TTC28: variants seen among roughly 807,000 people sequenced by gnomAD.
The protein encoded by TTC28 is tetratricopeptide repeat protein 28.
A neutral mutation model predicts 198.0 loss-of-function variants in TTC28; 61 were observed. The observed-to-expected ratio is 0.31, with a 90% CI of 0.25 to 0.38. The LOEUF (loss-of-function observed/expected upper bound fraction) is 0.38, where lower values mean the gene tolerates loss of function less well. TTC28 is among the 10% of genes least tolerant of loss of function. TTC28 has a pLI of 1.00. For synonymous variants in TTC28, 1,171 were observed against 1,297.8 expected (o/e 0.90, Z 2.10); for missense variants, 2,678 against 3,164.0 (o/e 0.85, Z 3.69).
At chr22:28,229,088 G>A (rs1201950469) in intron 5 of TTC28, among the ~76,000 whole-genome samples, 1 of 151,466 alleles carries the variant, frequency 6.6e-6, no homozygotes, top group East Asian at 2.0e-4. Context: ...CCTGGGAGGT[G>A]GAGGTTGCAG....
Position 28,476,158 on chromosome 22 carries a change from C to T in TTC28, c.381+153394G>A, listed in dbSNP as rs117277085. ...CCCCATGCCATCTACCTGCCTCCTG[C>T]CTGAGAAAATATTATTCTTAATGCT... On this transcript the variant is annotated intron_variant, in intron 2 of 22. Coordinates refer to ENST00000397906, the MANE Select transcript of TTC28 (RefSeq NM_001145418.2). Among the ~76,000 whole-genome samples, 979 of 152,238 alleles carry T rather than the reference C, an allele frequency of 6.4e-3. 5 individuals carry two copies. The highest frequency in any genetic ancestry group is 9.5e-3 in the Non-Finnish European group (645 of 68,006).
chr22:28,262,173 C>T (rs1484682840), intron 5 of TTC28, among the ~76,000 whole-genome samples: 1 of 152,046 alleles, frequency 6.6e-6, no homozygotes, highest in Non-Finnish European at 1.5e-5. Flanking sequence ...CTAAAATTCC[C>T]TCAACAGACA....
At chr22:28,169,396 C>A (rs1040697221) in intron 5 of TTC28, among the ~76,000 whole-genome samples, 4 of 152,226 alleles carry the variant, frequency 2.6e-5, no homozygotes, top group Admixed American at 2.0e-4. Context: ...GCACTACTCA[C>A]AATAGCAAAG....
At chr22:28,140,711 GATTA>G (rs1273484240) in intron 6 of TTC28, among the ~76,000 whole-genome samples, 1 of 152,148 alleles carries the variant, frequency 6.6e-6, no homozygotes, top group Admixed American at 6.5e-5. Context: ...TAAAGGCAAA[GATTA>G]ATTAAATGTG....
At chr22:28,366,576 G>T (rs1206613490) in intron 2 of TTC28, among the ~76,000 whole-genome samples, 1 of 152,074 alleles carries the variant, frequency 6.6e-6, no homozygotes, top group East Asian at 1.9e-4. Flanking sequence ...AATGGCAGGA[G>T]TAAATCCCTA....
At chr22:28,570,883 C>G (rs561948081) in intron 2 of TTC28, among the ~76,000 whole-genome samples, 1 of 152,220 alleles carries the variant, frequency 6.6e-6, no homozygotes, top group South Asian at 2.1e-4. Context: ...CAAGGAGATA[C>G]AAGGCACTAC....
At chr22:28,322,547 C>A (rs559829924) in intron 2 of TTC28, among the ~76,000 whole-genome samples, 1 of 152,218 alleles carries the variant, frequency 6.6e-6, no homozygotes, top group African/African-American at 2.4e-5. Flanking sequence ...AATATGTGAG[C>A]TGGTGAAGAA....
chr22:28,381,753 C>T (rs1425793990), intron 2 of TTC28, among the ~76,000 whole-genome samples: 1 of 152,026 alleles, frequency 6.6e-6, no homozygotes, highest in Non-Finnish European at 1.5e-5. Context: ...GTTTGGTAAC[C>T]AGATGTTAAT....
intron 13 of TTC28, among the ~76,000 whole-genome samples, chr22:28,027,131 C>T (rs1938867602): frequency 6.6e-6 from 1 of 152,150 alleles, no homozygotes; most frequent in Non-Finnish European, 1.5e-5. Context: ...TACAACCCTG[C>T]ACATACAAAT....
chr22:28,481,922 ACAGT>A (rs1353571036), intron 2 of TTC28, among the ~76,000 whole-genome samples: 5 of 152,210 alleles, frequency 3.3e-5, no homozygotes, highest in South Asian at 2.1e-4. Context: ...GCTCTGTCAT[ACAGT>A]CAGTCAGCCC....
intron 12 of TTC28, among the ~76,000 whole-genome samples, chr22:28,055,444 T>C (rs1003971058): frequency 1.3e-5 from 2 of 152,136 alleles, no homozygotes; most frequent in East Asian, 1.9e-4. Context: ...AGGAAAAAGA[T>C]AGGCTGTTCT....
chr22:28,239,161 T>A (rs1432428337), intron 5 of TTC28, among the ~76,000 whole-genome samples: 2 of 152,018 alleles, frequency 1.3e-5, no homozygotes, highest in Admixed American at 1.3e-4. Flanking sequence ...TATTCCATCA[T>A]GAACAAAGCA....
At position 27,988,177 on chromosome 22, in the gene TTC28, C is replaced by T. The variant is rs369513447; in HGVS notation, c.5707+1701G>A. Among the ~76,000 whole-genome samples, 68 of 152,198 alleles carry T rather than the reference C, an allele frequency of 4.5e-4. 2 individuals are homozygous for T. Among genetic ancestry groups the T allele is most frequent in the South Asian group, 2.9e-3 (14 of 4,824 alleles). The stretch of plus-strand genomic sequence containing the variant: ...CTCCCCACTTTACCTTCACAATACA[C>T]GACGTGTCTGAAAACACAAGGAGCC... On this transcript the variant is annotated intron_variant, in intron 21 of 22. Transcript: ENST00000397906.
intron 5 of TTC28, among the ~76,000 whole-genome samples, chr22:28,246,222 C>T (rs928974079): frequency 1.3e-5 from 2 of 152,172 alleles, no homozygotes; most frequent in African/African-American, 4.8e-5. Context: ...TTTAAATCCT[C>T]CTTTTCCACT....
At chr22:28,169,796 T>C (rs1299108964) in intron 5 of TTC28, among the ~76,000 whole-genome samples, 2 of 151,934 alleles carry the variant, frequency 1.3e-5, no homozygotes, top group African/African-American at 4.8e-5. Flanking sequence ...ATTGTGCACA[T>C]GTACCCTAAA....
At chr22:28,076,865 C>T (rs983982371) in intron 12 of TTC28, among the ~76,000 whole-genome samples, 1 of 152,170 alleles carries the variant, frequency 6.6e-6, no homozygotes, top group Non-Finnish European at 1.5e-5. Context: ...CCAGTGAGTC[C>T]ATCCCCAGCC....
intron 5 of TTC28, among the ~76,000 whole-genome samples, chr22:28,289,640 G>A (rs539602198): frequency 8.5e-5 from 13 of 152,262 alleles, no homozygotes; most frequent in Admixed American, 3.9e-4. Flanking sequence ...TAAGGCCACC[G>A]TGCACTATGA....
intron 14 of TTC28, among the ~76,000 whole-genome samples, chr22:28,009,019 A>G (rs1245174569): frequency 6.6e-6 from 1 of 152,222 alleles, no homozygotes; most frequent in East Asian, 1.9e-4. Context: ...AGTCCCTTTC[A>G]TGCTAAACAC....
At chr22:28,066,349 C>G (rs746424188) in intron 12 of TTC28, among the ~76,000 whole-genome samples, 24 of 151,610 alleles carry the variant, frequency 1.6e-4, no homozygotes, top group Non-Finnish European at 1.3e-4. Flanking sequence ...GTGTAGGACA[C>G]TTAAGATCTA....
Sources: allele counts gnomAD v4.1 joint callset (sites outside exome capture counted in the v4.1 genomes callset), GRCh38; gene constraint gnomAD v4.1.1; transcripts MANE v1.5; gene names NCBI Gene and HGNC (gene_info 2026-07-23, HGNC 2026-07-21).